The following AOAH variants were observed in gnomAD, a reference collection of about 807,000 sequenced individuals.
The protein encoded by AOAH is acyloxyacyl hydrolase (neutrophil).
A neutral mutation model predicts 92.2 loss-of-function variants in AOAH; 64 were observed. The ratio of observed to expected loss-of-function variants is 0.69; its 90% CI spans 0.57 to 0.86. The LOEUF is 0.86. Among genes scored for constraint, AOAH ranks in the 40% least tolerant of loss-of-function variants. The pLI, the probability that AOAH is intolerant of heterozygous loss-of-function variation, is 0.00. For synonymous variants in AOAH, 263 were observed against 254.5 expected, an observed-to-expected ratio of 1.03 and a Z score of -0.32; for missense variants, 656 against 694.6, an observed-to-expected ratio of 0.94 and a Z score of 0.62.
chr7:36,690,245 G>C, intron 1 of AOAH: 1 of 448,010 alleles, frequency 2.2e-6, no homozygotes, highest in South Asian at 1.6e-5. Flanking sequence ...TCTGAACACT[G>C]GGTGAGTCTT....
At chr7:36,572,964 G>A (rs1788236176) in intron 13 of AOAH, among the ~76,000 whole-genome samples, 1 of 152,198 alleles carries the variant, frequency 6.6e-6, no homozygotes, top group Non-Finnish European at 1.5e-5. Context: ...AACCCTGAAT[G>A]AGATCCAGGG....
intron 3 of AOAH, among the ~76,000 whole-genome samples, chr7:36,662,618 T>C (rs542639106): frequency 6.6e-6 from 1 of 152,116 alleles, no homozygotes; most frequent in Non-Finnish European, 1.5e-5. Context: ...AGGGCTCTGG[T>C]TAATCTTTGT....
chr7:36,671,315 T>C (rs1795911421), intron 3 of AOAH, among the ~76,000 whole-genome samples: 3 of 152,200 alleles, frequency 2.0e-5, no homozygotes, highest in Admixed American at 6.5e-5. Flanking sequence ...CTCTCTCCTT[T>C]TCCCCCCAAC....
chr7:36,609,830 T>G (rs1018568949), intron 11 of AOAH, among the ~76,000 whole-genome samples: 1 of 152,080 alleles, frequency 6.6e-6, no homozygotes, highest in Non-Finnish European at 1.5e-5. Flanking sequence ...GCTTGGCACA[T>G]AGTAGACCTG....
At chr7:36,642,602 G>C (rs80241205) in intron 4 of AOAH, among the ~76,000 whole-genome samples, 3 of 152,088 alleles carry the variant, frequency 2.0e-5, no homozygotes, top group African/African-American at 4.8e-5. Flanking sequence ...TTTTGTTCTC[G>C]ACCTTGAGCT....
At chr7:36,668,648 G>T (rs1011554685) in intron 3 of AOAH, among the ~76,000 whole-genome samples, 1 of 152,080 alleles carries the variant, frequency 6.6e-6, no homozygotes, top group South Asian at 2.1e-4. Context: ...CGCCACCCCC[G>T]GCTAATTTTT....
chr7:36,722,519 T>C (rs1340651902), intron 1 of AOAH, among the ~76,000 whole-genome samples: 2 of 152,198 alleles, frequency 1.3e-5, no homozygotes, highest in Middle Eastern at 3.4e-3. Context: ...AGGTGGCAAA[T>C]AGTTATTTAA....
intron 2 of AOAH, among the ~76,000 whole-genome samples, chr7:36,681,013 AAG>A (rs34605304): frequency 0.25 from 37,979 of 151,918 alleles, 5,563 homozygotes; most frequent in African/African-American, 0.42. Flanking sequence ...GTATATTAAG[AAG>A]AGGGAATAAT....
intron 11 of AOAH, among the ~76,000 whole-genome samples, chr7:36,598,571 A>G (rs1331909373): frequency 6.6e-6 from 1 of 152,198 alleles, no homozygotes; most frequent in Non-Finnish European, 1.5e-5. Context: ...CTACTATGTG[A>G]AGCATCATGT....
intron 2 of AOAH, among the ~76,000 whole-genome samples, chr7:36,684,596 T>C (rs138910955): frequency 6.6e-6 from 1 of 152,150 alleles, no homozygotes; most frequent in African/African-American, 2.4e-5. Context: ...GATCTCATCA[T>C]TGAACATCGA....
rs113679990 is a variant in AOAH at position 36,695,777 on chromosome 7, G to C, written c.128-8983C>G. ...GTGGCTAATCTTTTGGTTTTGTAAT[G>C]ATGCTTTCCGGAGAGCAAAGTGGTT... On this transcript the variant is annotated intron_variant, in intron 1 of 20. Coordinates refer to ENST00000617537, the MANE Select transcript of AOAH (RefSeq NM_001637.4). 3.3e-3 allele frequency among the ~76,000 whole-genome samples: 500 copies of C among 152,268 alleles called. 4 individuals are homozygous for C. Among genetic ancestry groups the C allele is most frequent in the African/African-American group, 0.012 (482 of 41,560 alleles).
intron 9 of AOAH, among the ~76,000 whole-genome samples, chr7:36,619,453 G>T (rs72630161): frequency 0.023 from 3,568 of 152,240 alleles, 132 homozygotes; most frequent in East Asian, 0.12. Flanking sequence ...TGAGGCCTGG[G>T]TGGGACCATG....
chr7:36,669,075 A>G (rs994375708), intron 3 of AOAH, among the ~76,000 whole-genome samples: 3 of 152,206 alleles, frequency 2.0e-5, no homozygotes, highest in Non-Finnish European at 4.4e-5. Flanking sequence ...ATCATCATAA[A>G]TCTAAAGAGG....
chr7:36,611,645 A>G (rs1445501148), intron 11 of AOAH, among the ~76,000 whole-genome samples: 2 of 152,138 alleles, frequency 1.3e-5, no homozygotes, highest in African/African-American at 4.8e-5. Context: ...TGTGGGCCCC[A>G]GGTTACGAAG....
In AOAH at chr7:36,516,890, C is replaced by T. The variant is rs1368418496; in HGVS notation, c.1600-3510G>A. 2.0e-5 allele frequency among the ~76,000 whole-genome samples: 3 copies of T among 152,264 alleles called. No homozygotes were observed. Among genetic ancestry groups the T allele is most frequent in the African/African-American group, 7.2e-5 (3 of 41,542 alleles). On this transcript the variant is annotated intron_variant, in intron 20 of 20. Transcript: ENST00000617537. This position sits in a 1 kb window ranked among gnomAD's most constrained non-coding sequence, Gnocchi z 5.0. ...ATGAGCATTTGGTAACTGGTTTGAA[C>T]GCAATTAGTTGGTTGTCACTCTAAT...
chr7:36,654,260 A>G (rs1029405666), intron 4 of AOAH, among the ~76,000 whole-genome samples: 1 of 151,944 alleles, frequency 6.6e-6, no homozygotes, highest in Non-Finnish European at 1.5e-5. Flanking sequence ...GCCTGCAGCT[A>G]TTTTTCCTTC....
intron 11 of AOAH, among the ~76,000 whole-genome samples, chr7:36,604,664 C>T (rs181794648): frequency 8.5e-5 from 13 of 152,314 alleles, no homozygotes; most frequent in Admixed American, 3.3e-4. Context: ...GGCAGGATTA[C>T]GGGCAGCTAC....
intron 6 of AOAH, among the ~76,000 whole-genome samples, chr7:36,628,836 G>A (rs1207554996): frequency 3.9e-5 from 6 of 152,204 alleles, no homozygotes; most frequent in Admixed American, 1.3e-4. Context: ...TGAGGACTCC[G>A]TGCTAGTGGG....
chr7:36,590,242 A>G (rs767312964), intron 12 of AOAH, among the ~76,000 whole-genome samples: 1 of 152,092 alleles, frequency 6.6e-6, no homozygotes, highest in African/African-American at 2.4e-5. Context: ...ATCTTTTAAA[A>G]ATACTTTTTT....
Sources: gnomAD v4.1 joint callset for allele counts (sites outside exome capture counted in the v4.1 genomes callset) on GRCh38, gnomAD v4.1.1 for gene constraint, Gnocchi (gnomAD v3.1) non-coding constraint, MANE v1.5 for transcripts, NCBI Gene and HGNC (gene_info 2026-07-23, HGNC 2026-07-21) for gene names.